Variants in ATRNL1 observed in about 807,000 individuals in gnomAD.
ATRNL1 encodes the protein attractin-like protein 1.
A neutral mutation model predicts 182.7 loss-of-function variants in ATRNL1; 95 were observed. The ratio of observed to expected loss-of-function variants is 0.52; its 90% confidence interval spans 0.44 to 0.62. The LOEUF is 0.62. ATRNL1 is among the 20% of genes least tolerant of loss of function. The pLI, the probability that ATRNL1 is intolerant of heterozygous loss-of-function variation, is 0.00. For missense variants in ATRNL1, 1,471 were observed against 1,679.5 expected, an observed-to-expected ratio of 0.88 and a Z score of 2.17; for synonymous variants, 576 against 568.3, an observed-to-expected ratio of 1.01 and a Z score of -0.19.
At chr10:115,692,904 G>A (rs1031702060) in intron 26 of ATRNL1, among the ~76,000 whole-genome samples, 1 of 152,042 alleles carries the variant, frequency 6.6e-6, no homozygotes, top group Admixed American at 6.6e-5. Context: ...GAGTAAAGGA[G>A]AGTCCTTGTT....
intron 19 of ATRNL1, among the ~76,000 whole-genome samples, chr10:115,373,494 G>A (rs1554948666): frequency 1.3e-5 from 2 of 151,866 alleles, no homozygotes; most frequent in Non-Finnish European, 2.9e-5. Flanking sequence ...TGTTAGCCAT[G>A]GGTTTTTATC....
chr10:115,101,416 A>T (rs1266977707), intron 1 of ATRNL1, among the ~76,000 whole-genome samples: 9 of 152,066 alleles, frequency 5.9e-5, no homozygotes, highest in African/African-American at 2.2e-4. Context: ...TTTACCAGTG[A>T]TGGAAACTGG....
chr10:115,198,830 T>C (rs1485510627), intron 8 of ATRNL1, among the ~76,000 whole-genome samples: 1 of 152,206 alleles, frequency 6.6e-6, no homozygotes, highest in African/African-American at 2.4e-5. Context: ...TGTGAATTTA[T>C]TTTCAGGTCC....
intron 21 of ATRNL1, among the ~76,000 whole-genome samples, chr10:115,437,481 A>C (rs1846456085): frequency 6.6e-6 from 1 of 152,052 alleles, no homozygotes; most frequent in Non-Finnish European, 1.5e-5. Context: ...CTATCTGTAA[A>C]ATATCATTAC....
At chr10:115,880,177 A>T (rs1951794702) in intron 28 of ATRNL1, among the ~76,000 whole-genome samples, 1 of 152,230 alleles carries the variant, frequency 6.6e-6, no homozygotes, top group African/African-American at 2.4e-5. Context: ...CCAAGGAGAA[A>T]CAGATGCAAT....
chr10:115,797,963 G>A (rs1234562179), intron 27 of ATRNL1, among the ~76,000 whole-genome samples: 8 of 152,048 alleles, frequency 5.3e-5, no homozygotes, highest in African/African-American at 1.9e-4. Context: ...TGTTGCCCAG[G>A]CTGCAGTGCA....
chr10:115,594,651 C>CAT (rs1555013374), intron 26 of ATRNL1, among the ~76,000 whole-genome samples: 2 of 152,168 alleles, frequency 1.3e-5, no homozygotes, highest in Admixed American at 6.5e-5. Context: ...GGATTACAGA[C>CAT]ATACACAACT....
At chr10:115,581,145 C>T (rs1217815108) in intron 26 of ATRNL1, among the ~76,000 whole-genome samples, 1 of 152,110 alleles carries the variant, frequency 6.6e-6, no homozygotes, top group African/African-American at 2.4e-5. Context: ...ACTGTCTCTC[C>T]CTGTGTTATC....
chr10:115,711,364 A>G (rs782015478), intron 26 of ATRNL1, among the ~76,000 whole-genome samples: 1 of 152,184 alleles, frequency 6.6e-6, no homozygotes, highest in Non-Finnish European at 1.5e-5. Context: ...ACTTGCTTCT[A>G]AAAGGAAGAG....
At chr10:115,349,857 C>T (rs1435351591) in intron 19 of ATRNL1, among the ~76,000 whole-genome samples, 1 of 151,748 alleles carries the variant, frequency 6.6e-6, no homozygotes, top group African/African-American at 2.4e-5. Context: ...GTTATTAATC[C>T]CTTGTCATAT....
chr10:115,161,872 C>T (rs782234081), intron 6 of ATRNL1, among the ~76,000 whole-genome samples: 7 of 151,972 alleles, frequency 4.6e-5, no homozygotes, highest in Non-Finnish European at 8.8e-5. Flanking sequence ...TAAGTCATAA[C>T]TTGATTTAAT....
intron 28 of ATRNL1, among the ~76,000 whole-genome samples, chr10:115,873,365 T>C (rs1951628166): frequency 6.6e-6 from 1 of 152,146 alleles, no homozygotes; most frequent in Non-Finnish European, 1.5e-5. Context: ...CAAAAGTAAA[T>C]TTTAGTAGGA....
At chr10:115,232,396 C>G (rs1461765606) in intron 9 of ATRNL1, among the ~76,000 whole-genome samples, 1 of 152,110 alleles carries the variant, frequency 6.6e-6, no homozygotes, top group Non-Finnish European at 1.5e-5. Flanking sequence ...AACAGCTACT[C>G]TGAAATTTTC....
At chr10:115,327,274 A>C (rs1256246754) in intron 18 of ATRNL1, among the ~76,000 whole-genome samples, 1 of 150,810 alleles carries the variant, frequency 6.6e-6, no homozygotes, top group Non-Finnish European at 1.5e-5. Flanking sequence ...AAGTGGGCAA[A>C]GGACATGAAC....
intron 19 of ATRNL1, among the ~76,000 whole-genome samples, chr10:115,379,906 A>C (rs1443369186): frequency 2.6e-5 from 4 of 152,100 alleles, no homozygotes; most frequent in Non-Finnish European, 5.9e-5. Context: ...AGCTCATTGC[A>C]AGCTCCACCT....
intron 15 of ATRNL1, 143 bp downstream of exon 15, chr10:115,286,540 G>A (rs1214963661): frequency 1.8e-6 from 1 of 545,036 alleles, no homozygotes; most frequent in African/African-American, 1.9e-5. Flanking sequence ...ATTGGCAGAA[G>A]ACTTATTTTG....
intron 27 of ATRNL1, among the ~76,000 whole-genome samples, chr10:115,822,713 C>G (rs1427340692): frequency 1.3e-5 from 2 of 152,150 alleles, no homozygotes; most frequent in East Asian, 3.8e-4. Flanking sequence ...CACATACACC[C>G]TTCCAAGACT....
intron 8 of ATRNL1, among the ~76,000 whole-genome samples, chr10:115,192,238 G>A (rs1402161424): frequency 6.6e-5 from 10 of 151,972 alleles, no homozygotes; most frequent in African/African-American, 2.2e-4. Flanking sequence ...TGTGTTAGAT[G>A]TAAGTCTTTA....
rs564622085 is a variant in ATRNL1 at position 115,416,482 on chromosome 10, T to C, written c.3270-9768T>C. On this transcript the variant is annotated intron_variant, in intron 20 of 28. Transcript: ENST00000355044. ...GCTTTTTTGAGCTATAAATATTTAA[T>C]AGAGAATGTAGTTCTTGTATTGGAC... is the stretch of plus-strand genomic sequence containing the variant. Among the ~76,000 whole-genome samples, 42 of 152,308 alleles carry C rather than the reference T, an allele frequency of 2.8e-4. No homozygotes were observed. In the South Asian group the frequency reaches 6.4e-3, roughly 23 times the overall value.
Sources: allele counts gnomAD v4.1 joint callset (sites outside exome capture counted in the v4.1 genomes callset), GRCh38; gene constraint gnomAD v4.1.1; transcripts MANE v1.5; gene names NCBI Gene and HGNC (gene_info 2026-07-23, HGNC 2026-07-21).